Variants in MBD5 observed in about 807,000 individuals in gnomAD.
MBD5 encodes methyl-CpG-binding domain protein 5.
In MBD5, 13 loss-of-function variants were observed where a neutral mutation model predicts 117.3. The ratio of observed to expected loss-of-function variants is 0.11; its 90% CI spans 0.07 to 0.18. MBD5 has a LOEUF of 0.18. MBD5 is among the 10% of genes least tolerant of loss of function. MBD5 has a pLI of 1.00. For synonymous variants in MBD5, 727 were observed against 766.4 expected, an observed-to-expected ratio of 0.95 and a Z score of 0.85; for missense variants, 1,879 against 2,093.8, an observed-to-expected ratio of 0.90 and a Z score of 2.00.
At chr2:148,060,225 C>T (rs1436979238) in intron 1 of MBD5, among the ~76,000 whole-genome samples, 1 of 132,286 alleles carries the variant, frequency 7.6e-6, no homozygotes, top group Non-Finnish European at 1.5e-5. Context: ...GGGAGGATTG[C>T]TTGAACCTGT....
intron 3 of MBD5, among the ~76,000 whole-genome samples, chr2:148,293,774 A>T (rs541831791): frequency 3.3e-5 from 5 of 152,144 alleles, no homozygotes; most frequent in Non-Finnish European, 7.3e-5. Flanking sequence ...AATGTCCTTT[A>T]ATGGTTGAGG....
At chr2:148,117,199 A>G (rs1696660916) in intron 1 of MBD5, among the ~76,000 whole-genome samples, 1 of 152,148 alleles carries the variant, frequency 6.6e-6, no homozygotes. Context: ...GAAAAAAGGC[A>G]TCTCTAGAAT....
At chr2:148,223,338 G>A (rs185632060) in intron 2 of MBD5, among the ~76,000 whole-genome samples, 4 of 152,030 alleles carry the variant, frequency 2.6e-5, no homozygotes, top group Admixed American at 2.6e-4. Context: ...AGTAGTATTG[G>A]TATTCATTTT....
intron 1 of MBD5, among the ~76,000 whole-genome samples, chr2:148,151,507 C>A (rs901079725): frequency 9.9e-5 from 15 of 152,162 alleles, no homozygotes; most frequent in African/African-American, 2.6e-4. Context: ...GAATAGTTTC[C>A]GAAGGAATGG....
chr2:148,411,512 C>CTTTTTTT (rs1188326755), intron 4 of MBD5, among the ~76,000 whole-genome samples: 269 of 97,362 alleles, frequency 2.8e-3, no homozygotes, highest in East Asian at 4.7e-3. Context: ...AGCATCTGTT[C>CTTTTTTT]TTTTTTTTTT....
chr2:148,182,135 C>G (rs1251726507), intron 2 of MBD5, among the ~76,000 whole-genome samples: 1 of 151,900 alleles, frequency 6.6e-6, no homozygotes, highest in African/African-American at 2.4e-5. Context: ...GGAGGTGAAC[C>G]TAAAGTTTCT....
chr2:148,198,557 A>G (rs899908261), intron 2 of MBD5, among the ~76,000 whole-genome samples: 2 of 152,132 alleles, frequency 1.3e-5, no homozygotes, highest in Non-Finnish European at 1.5e-5. Context: ...ACATGTTTTC[A>G]TAGTAAGTTC....
chr2:148,489,690 T>C lies in MBD5; in HGVS notation c.4058T>C (p.Leu1353Pro). Residue 1353 changes from leucine to proline, a missense_variant, in exon 11 of 14, where the codon CTG becomes CCG. Leu to Pro is a moderately conservative substitution (Grantham distance 98). Coordinates refer to ENST00000642680, the MANE Select transcript of MBD5 (RefSeq NM_001378120.1). ...ACTCAGATCAGCCCCATTCCAGCTC[T>C]GAGTGCCATGAGTGCCTTCACTGCC... ...STTQISPIPA[L>P]SAMSAFTASI... 6.2e-7 allele frequency: 1 copy of C among 1,614,226 alleles called. No homozygotes were observed. The highest frequency in any genetic ancestry group is 8.5e-7 in the Non-Finnish European group (1 of 1,180,038).
intron 8 of MBD5, chr2:148,472,280 T>C (rs182107321): frequency 4.5e-4 from 68 of 152,204 alleles, no homozygotes; most frequent in African/African-American, 1.6e-3. Context: ...TAAAAATTTA[T>C]TAGTGTCAGA....
chr2:148,273,746 T>C (rs1701038413), intron 3 of MBD5, among the ~76,000 whole-genome samples: 1 of 152,176 alleles, frequency 6.6e-6, no homozygotes, highest in South Asian at 2.1e-4. Flanking sequence ...TGGACTGCCT[T>C]GTGATAATTA....
At chr2:148,045,972 G>GC (rs1694514202) in intron 1 of MBD5, among the ~76,000 whole-genome samples, 1 of 135,640 alleles carries the variant, frequency 7.4e-6, no homozygotes, top group African/African-American at 2.7e-5. Context: ...TTAATGAAGT[G>GC]CCTTTTTTTT....
chr2:148,483,184 C>A lies in MBD5; in HGVS notation c.2593C>A (p.Leu865Ile), dbSNP rs1310554876. ...TGCCATCACAAAGACAACATCTGTT[C>A]TTCAAGATGGCGTCATAGTCACCAC... is the stretch of plus-strand genomic sequence containing the variant. The part of the protein sequence containing the change: ...HPAITKTTSV[L>I]QDGVIVTTAA... Residue 865 changes from leucine to isoleucine, a missense_variant, in exon 9 of 14, where the codon CTT becomes ATT. Physicochemically the swap from Leu to Ile is conservative, Grantham distance 5. Transcript: ENST00000642680. 6.2e-7 allele frequency: 1 copy of A among 1,613,570 alleles called. No individual in the cohort carries two copies.
chr2:148,158,923 C>T (rs543315206), intron 1 of MBD5, among the ~76,000 whole-genome samples: 4,462 of 152,252 alleles, frequency 0.029, 85 homozygotes, highest in Non-Finnish European at 0.047. Context: ...GGGGTTTCAT[C>T]GTGTTAGCCA....
chr2:148,035,457 T>A (rs1694169970), intron 1 of MBD5, among the ~76,000 whole-genome samples: 1 of 152,170 alleles, frequency 6.6e-6, no homozygotes, highest in East Asian at 1.9e-4. Flanking sequence ...ACTGATATAC[T>A]TCATTTTTGT....
At chr2:148,270,198 A>G (rs570838586) in intron 3 of MBD5, among the ~76,000 whole-genome samples, 21 of 152,148 alleles carry the variant, frequency 1.4e-4, no homozygotes, top group South Asian at 2.1e-4. Flanking sequence ...TGATTTCTCT[A>G]TGTGTGAACA....
chr2:148,263,594 C>T (rs1044285930), intron 3 of MBD5, among the ~76,000 whole-genome samples: 8 of 151,922 alleles, frequency 5.3e-5, no homozygotes, highest in South Asian at 4.2e-4. Context: ...CTTCAAAGAC[C>T]GGAAAAGTGG....
intron 4 of MBD5, among the ~76,000 whole-genome samples, chr2:148,363,432 G>A (rs1016839487): frequency 1.4e-4 from 21 of 151,848 alleles, no homozygotes; most frequent in African/African-American, 2.9e-4. Flanking sequence ...ACGGGGTTTC[G>A]CTGTGTTAGC....
intron 4 of MBD5, among the ~76,000 whole-genome samples, chr2:148,417,588 A>T (rs1419462516): frequency 7.0e-6 from 1 of 143,226 alleles, no homozygotes; most frequent in African/African-American, 2.6e-5. Context: ...GTGTGTAAGC[A>T]TTCCCTTTTC....
chr2:148,420,704 GT>G (rs1705575632), intron 4 of MBD5, among the ~76,000 whole-genome samples: 2 of 144,710 alleles, frequency 1.4e-5, no homozygotes, highest in Admixed American at 1.3e-4. Context: ...GTCATGTTTT[GT>G]TTTGTTTTGT....
Sources: gnomAD v4.1 joint callset for allele counts (sites outside exome capture counted in the v4.1 genomes callset) on GRCh38, gnomAD v4.1.1 for gene constraint, MANE v1.5 for transcripts, NCBI Gene and HGNC (gene_info 2026-07-23, HGNC 2026-07-21) for gene names.